Variants in PLK4 observed in about 807,000 individuals in gnomAD.
PLK4 encodes serine/threonine-protein kinase PLK4.
PLK4 carries 51 observed loss-of-function variants against 103.0 expected under a neutral mutation model. The observed-to-expected ratio is 0.50, with a 90% CI of 0.40 to 0.63. The LOEUF (loss-of-function observed/expected upper bound fraction) is 0.63, where lower values mean the gene tolerates loss of function less well. Among genes scored for constraint, PLK4 ranks in the 20% least tolerant of loss-of-function variants. The pLI, the probability that PLK4 is intolerant of heterozygous loss-of-function variation, is 0.00. For missense variants in PLK4, 1,054 were observed against 1,151.0 expected, an observed-to-expected ratio of 0.92 and a Z score of 1.22; for synonymous variants, 389 against 376.8, an observed-to-expected ratio of 1.03 and a Z score of -0.38.
intron 13 of PLK4, among the ~76,000 whole-genome samples, chr4:127,894,086 C>T (rs1735469880): frequency 6.6e-6 from 1 of 152,186 alleles, no homozygotes; most frequent in Non-Finnish European, 1.5e-5. Context: ...TTTTCACATG[C>T]TGTTCACTTG....
intron 14 of PLK4, among the ~76,000 whole-genome samples, chr4:127,895,294 T>C (rs1225979888): frequency 6.6e-6 from 1 of 152,120 alleles, no homozygotes; most frequent in Non-Finnish European, 1.5e-5. Flanking sequence ...CAGACATTGC[T>C]GATAAGAGGT....
At position 127,898,531 on chromosome 4, in the gene PLK4, A is replaced by G; in HGVS notation, c.2903A>G (p.Asn968Ser). The change falls in exon 16 of 16, where the codon AAT (asparagine) becomes AGT (serine). Residue 968 changes from asparagine (N) to serine (S), a missense_variant. Physicochemically the swap from Asn to Ser is conservative, Grantham distance 46 (BLOSUM62 1). This residue lies in a region of PLK4 where 8 missense variants were observed against 19.9 expected (regional missense o/e 0.40). Coordinates refer to ENST00000270861, the MANE Select transcript of PLK4 (RefSeq NM_014264.5). ...TTGATGTTTTCTAATCCGACTCCTA[A>G]TTTTCATTGATTAAAACTCCTTTCA... ...ILLMFSNPTP[N>S]FH is the part of the protein sequence containing the mutation. The G allele has an allele frequency of 1.4e-6, 2 of 1,454,570 alleles. No homozygotes were observed. Among genetic ancestry groups the G allele is most frequent in the Non-Finnish European group, 1.9e-6 (2 of 1,042,622 alleles). 90.1% of individuals were successfully genotyped at this position (1,454,570 alleles called of 1,614,324 possible). A position where few individuals can be genotyped will look rare whatever the true frequency, so the allele number is the denominator to read the frequency against.
At chr4:127,895,523 A>G (rs1471986492) in intron 14 of PLK4, among the ~76,000 whole-genome samples, 2 of 127,420 alleles carry the variant, frequency 1.6e-5, no homozygotes, top group Non-Finnish European at 3.1e-5. Context: ...CTGGGTTGAC[A>G]CCATTCTCCT....
chr4:127,897,687 A>G (rs1735619385), intron 15 of PLK4, among the ~76,000 whole-genome samples: 3 of 152,136 alleles, frequency 2.0e-5, no homozygotes. Context: ...AAGGATGCAG[A>G]TGCAAAGTGG....
rs774885323 is a variant in PLK4, at chr4:127,893,320, G to T, written c.2224G>T (p.Val742Leu). 3 of 1,594,560 alleles carry T rather than the reference G, an allele frequency of 1.9e-6. No homozygotes were observed. The highest frequency in any genetic ancestry group is 2.2e-5 in the East Asian group (1 of 44,474). ...ACACAAAACAGAAGATTTCATTCAG[G>T]TGATTGAAAAGACAGGGAAGTCTTA... is the stretch of plus-strand genomic sequence containing the variant. ...KIHKTEDFIQ[V>L]IEKTGKSYTL... The change falls in exon 11 of 16, where the codon GTG becomes TTG. Residue 742 changes from valine to leucine, a missense_variant. Physicochemically the swap from Val to Leu is conservative, Grantham distance 32. Around this residue, in one of 4 missense-constraint regions of PLK4, gnomAD observed 680 missense variants for 660.3 expected, o/e 1.03. Coordinates refer to ENST00000270861, the MANE Select transcript of PLK4 (RefSeq NM_014264.5).
intron 15 of PLK4, among the ~76,000 whole-genome samples, chr4:127,898,071 C>T (rs191757026): frequency 1.6e-4 from 24 of 151,918 alleles, no homozygotes; most frequent in African/African-American, 5.1e-4. Context: ...CACCTGACCT[C>T]GTAATCCACC....
At chr4:127,882,715 G>A (rs965244402) in intron 2 of PLK4, among the ~76,000 whole-genome samples, 9 of 151,930 alleles carry the variant, frequency 5.9e-5, no homozygotes, top group Non-Finnish European at 1.3e-4. Context: ...CTGAGATCGC[G>A]CCATTGCACT....
Position 127,898,589 on chromosome 4 carries a change from G to A in PLK4, c.*48G>A. 1 of 884,100 alleles carries A rather than the reference G, an allele frequency of 1.1e-6. No individual in the cohort carries two copies. The highest frequency in any genetic ancestry group is 1.8e-6 in the Non-Finnish European group (1 of 550,152). The allele number at this position is 884,100 out of a possible 1,614,324, so 54.8% of individuals were successfully genotyped here. A position where few individuals can be genotyped will look rare whatever the true frequency, so the allele number is the denominator to read the frequency against. ...AAGTTTAATAAATAACTTTTTTGTTGACTTTCAAGTAAAGTGATTTTTTTT... is the reference window on the plus strand; with the variant it reads ...AAGTTTAATAAATAACTTTTTTGTTAACTTTCAAGTAAAGTGATTTTTTTT... On this transcript the variant is annotated 3_prime_UTR_variant, in exon 16 of 16. Coordinates refer to ENST00000270861, the MANE Select transcript of PLK4 (RefSeq NM_014264.5).
intron 9 of PLK4, 44 bp from the exon 10 acceptor site, chr4:127,892,320 AG>A: frequency 8.0e-7 from 1 of 1,243,902 alleles, no homozygotes; most frequent in Non-Finnish European, 1.1e-6. Context: ...ACTGTATGTC[AG>A]GTCAACACTT....
In PLK4 at chr4:127,889,865, G is replaced by T. The variant is rs1478723239; in HGVS notation, c.1460-1G>T. Reference sequence around the variant, plus strand: ...ATTGCTTCATTCTATGTATATTGTAGCTCATTTAAGAAAAACTACTGAATA... The same window carrying T: ...ATTGCTTCATTCTATGTATATTGTATCTCATTTAAGAAAAACTACTGAATA... On this transcript the variant is annotated splice_acceptor_variant, in intron 6 of 15. Transcript: ENST00000270861. LOFTEE classifies it high-confidence loss of function. 1 of 1,578,778 alleles carries T rather than the reference G, an allele frequency of 6.3e-7. No homozygotes were observed. Among genetic ancestry groups the T allele is most frequent in the East Asian group, 2.2e-5 (1 of 44,634 alleles).
chr4:127,893,828 A>G lies in PLK4; in HGVS notation c.2509A>G (p.Met837Val), dbSNP rs1735458877. Residue 837 changes from methionine to valine, a missense_variant, in exon 13 of 16, where the codon ATG (methionine) becomes GTG (valine). Transcript: ENST00000270861. ...PTRERASFNR[M>V]VMHSAASPTQ... ...GAGAGAGAGAGCATCTTTCAACAGAATGGTCATGCATAGTGCTGCTTCTCC... is the reference window on the plus strand; with the variant it reads ...GAGAGAGAGAGCATCTTTCAACAGAGTGGTCATGCATAGTGCTGCTTCTCC... 6.2e-7 allele frequency: 1 copy of G among 1,611,854 alleles called. No individual in the cohort carries two copies. The highest frequency in any genetic ancestry group is 8.5e-7 in the Non-Finnish European group (1 of 1,177,992).
intron 15 of PLK4, among the ~76,000 whole-genome samples, chr4:127,897,175 TG>T (rs1459997792): frequency 6.6e-6 from 1 of 152,202 alleles, no homozygotes; most frequent in Non-Finnish European, 1.5e-5. Flanking sequence ...TGTAACTCGA[TG>T]GCCTTTTTCA....
At position 127,885,939 on chromosome 4, in the gene PLK4, T is replaced by A. The variant is rs1405326769; in HGVS notation, c.569T>A (p.Leu190His). The A allele has an allele frequency of 6.2e-7, 1 of 1,614,206 alleles. No individual in the cohort carries two copies. Among genetic ancestry groups the A allele is most frequent in the Non-Finnish European group, 8.5e-7 (1 of 1,180,024 alleles). ...ATTGCCACTCGAAGTGCACATGGCCTTGAATCTGATGTTTGGTCCCTGGGC... is the reference window on the plus strand; with the variant it reads ...ATTGCCACTCGAAGTGCACATGGCCATGAATCTGATGTTTGGTCCCTGGGC... ...PEIATRSAHG[L>H]ESDVWSLGCM... The change falls in exon 5 of 16, where the codon CTT (leucine) becomes CAT (histidine). Residue 190 changes from leucine (L) to histidine (H), a missense_variant. By Grantham distance (99) the Leu-to-His change is moderately conservative. This residue lies in a region of PLK4 where 199 missense variants were observed against 270.1 expected (regional missense o/e 0.74). Transcript: ENST00000270861.
Position 127,892,322 on chromosome 4 carries a change from G to A in PLK4, c.2039-43G>A, listed in dbSNP as rs113847994. On this transcript the variant is annotated intron_variant, in intron 9 of 15. Coordinates refer to ENST00000270861, the MANE Select transcript of PLK4 (RefSeq NM_014264.5). ...ATAAATAGATAAAACTGTATGTCAG[G>A]TCAACACTTTCTTCCCTAATGTTAA... 136 of 1,294,498 alleles carry A rather than the reference G, an allele frequency of 1.1e-4. No homozygotes were observed. In the African/African-American group the frequency reaches 1.5e-3, roughly 14 times the overall value. The allele number at this position is 1,294,498 out of a possible 1,614,324, so 80.2% of individuals were successfully genotyped here.
At chr4:127,896,423 T>C (rs749099795) in intron 14 of PLK4, among the ~76,000 whole-genome samples, 2 of 152,212 alleles carry the variant, frequency 1.3e-5, no homozygotes, top group Non-Finnish European at 2.9e-5. Context: ...ATGTTGCTTT[T>C]ATTCCCTAAA....
intron 2 of PLK4, among the ~76,000 whole-genome samples, chr4:127,882,342 C>T (rs1317727247): frequency 2.0e-5 from 3 of 152,104 alleles, no homozygotes; most frequent in African/African-American, 7.2e-5. Flanking sequence ...ATTTGTCAGC[C>T]GGGTGGGTGG....
intron 15 of PLK4, among the ~76,000 whole-genome samples, chr4:127,897,561 A>G (rs1735615074): frequency 6.6e-6 from 1 of 152,174 alleles, no homozygotes; most frequent in Non-Finnish European, 1.5e-5. Flanking sequence ...TAATCTGTAG[A>G]TACCTACCAA....
chr4:127,891,677 AC>A lies in PLK4; in HGVS notation c.2036del (p.Pro679GlnfsTer18). On this transcript the variant is annotated frameshift_variant, in exon 9 of 16. Coordinates refer to ENST00000270861, the MANE Select transcript of PLK4 (RefSeq NM_014264.5). LOFTEE classifies it high-confidence loss of function. ...TCAGTAGGTACAGCTTTGACAATTT[AC>A]CAGGTATGTGAATTTACCAGGGAAT... is the stretch of plus-strand genomic sequence containing the variant. ...NISRYSFDNLPEKYWRKYQYA... is the reference protein window; with the variant it reads ...NISRYSFDNLXEKYWRKYQYA... The A allele has an allele frequency of 7.3e-7, 1 of 1,379,152 alleles. No individual in the cohort carries two copies. Among genetic ancestry groups the A allele is most frequent in the Non-Finnish European group, 9.8e-7 (1 of 1,018,074 alleles). The allele number at this position is 1,379,152 out of a possible 1,614,324, so 85.4% of individuals were successfully genotyped here.
At chr4:127,887,361 A>C in intron 5 of PLK4, 35 bp from the exon 6 acceptor site, 1 of 1,161,802 alleles carries the variant, frequency 8.6e-7, no homozygotes. Flanking sequence ...ATAATTTTTT[A>C]TTAGTTTATG....
Sources: allele counts gnomAD v4.1 joint callset (sites outside exome capture counted in the v4.1 genomes callset), GRCh38; gene constraint gnomAD v4.1.1; regional missense constraint gnomAD v4.1.1; transcripts MANE v1.5; gene names NCBI Gene and HGNC (gene_info 2026-07-23, HGNC 2026-07-21).